The following DNAH6 variants were observed in gnomAD, a reference collection of about 807,000 sequenced individuals.
DNAH6 encodes axonemal beta dynein heavy chain 6.
Under a neutral mutation model 491.4 loss-of-function variants are expected in DNAH6, and 340 were observed. That is an observed-to-expected ratio of 0.69 (90% CI 0.63 to 0.76). DNAH6 has a LOEUF of 0.76. DNAH6 is among the 30% of genes least tolerant of loss of function. The probability of loss-of-function intolerance (pLI) is 0.00; values close to 1 mark genes in which losing one functional copy is unlikely to be tolerated. For missense variants in DNAH6, 4,443 were observed against 4,972.2 expected (o/e 0.89, Z 3.20); for synonymous variants, 1,603 against 1,686.1 (o/e 0.95, Z 1.21).
At chr2:84,532,977 G>A (rs1296215599) in intron 4 of DNAH6, among the ~76,000 whole-genome samples, 1 of 152,094 alleles carries the variant, frequency 6.6e-6, no homozygotes, top group African/African-American at 2.4e-5. Context: ...ATCAGTGTTT[G>A]CTGTATATAC....
intron 10 of DNAH6, among the ~76,000 whole-genome samples, chr2:84,553,373 C>CTTTTCT (rs1679642928): frequency 2.7e-5 from 1 of 37,580 alleles, no homozygotes; most frequent in African/African-American, 1.3e-4. Flanking sequence ...TCTTTTCTTT[C>CTTTTCT]TTTCTTTCTT....
In DNAH6 at chr2:84,573,480, C is replaced by T. The variant is rs1682101778; in HGVS notation, c.1817C>T (p.Ala606Val). 1.3e-6 allele frequency: 2 copies of T among 1,581,504 alleles called. No homozygotes were observed. The highest frequency in any genetic ancestry group is 1.4e-5 in the African/African-American group (1 of 72,858). Residue 606 changes from alanine to valine, a missense_variant, in exon 12 of 77, where the codon GCC becomes GTC. Physicochemically the swap from Ala to Val is moderately conservative, Grantham distance 64 (BLOSUM62 0). Coordinates refer to ENST00000389394, the MANE Select transcript of DNAH6 (RefSeq NM_001370.2). ...TATAACATTTAGGAAACCATTCAGG[C>T]CGCATTTGAATCAGCCCGCATCTAT... is the stretch of plus-strand genomic sequence containing the variant. ...IISQIKETIQ[A>V]AFESARIYAA...
At chr2:84,605,204 T>C (rs1160428188) in intron 19 of DNAH6, among the ~76,000 whole-genome samples, 1 of 142,580 alleles carries the variant, frequency 7.0e-6, no homozygotes. Flanking sequence ...AAAAAAAAAA[T>C]TAGCCAGGCG....
At chr2:84,672,037 G>A (rs558109886) in intron 39 of DNAH6, among the ~76,000 whole-genome samples, 1 of 152,354 alleles carries the variant, frequency 6.6e-6, no homozygotes, top group African/African-American at 2.4e-5. Flanking sequence ...GTGTGGCTGA[G>A]ACAGAGAAAG....
At chr2:84,630,159 A>G (rs1397441574) in intron 29 of DNAH6, among the ~76,000 whole-genome samples, 1 of 152,174 alleles carries the variant, frequency 6.6e-6, no homozygotes. Context: ...TTTTTATAGA[A>G]TAATCACAAC....
chr2:84,491,957 C>T, the DNAH6 span, among the ~76,000 whole-genome samples: 5 of 152,270 alleles, frequency 3.3e-5, no homozygotes, highest in East Asian at 1.9e-4. Flanking sequence ...AGGTCTTCCC[C>T]GTTGCGCCGG....
intron 52 of DNAH6, 142 bp downstream of exon 52, chr2:84,705,889 A>G: frequency 1.9e-6 from 2 of 1,051,084 alleles, no homozygotes; most frequent in East Asian, 2.7e-5. Context: ...GTTTTAAACA[A>G]GAGCTGGCAA....
intron 64 of DNAH6, among the ~76,000 whole-genome samples, chr2:84,767,930 G>T (rs1675243748): frequency 6.6e-6 from 1 of 152,110 alleles, no homozygotes; most frequent in African/African-American, 2.4e-5. Context: ...CAACAAATAT[G>T]CCATTGACTG....
At chr2:84,812,585 C>A in intron 73 of DNAH6, 59 bp downstream of exon 73, 2 of 1,395,546 alleles carry the variant, frequency 1.4e-6, no homozygotes, top group South Asian at 1.3e-5. Context: ...GGCCTAAGGT[C>A]CCTAGGAAGC....
chr2:84,773,775 C>G (rs951902662), intron 64 of DNAH6, among the ~76,000 whole-genome samples: 2 of 152,040 alleles, frequency 1.3e-5, no homozygotes, highest in Non-Finnish European at 2.9e-5. Context: ...TTAATAATAG[C>G]CATTCTGACT....
At chr2:84,500,382 C>T in the DNAH6 span, among the ~76,000 whole-genome samples, 2 of 152,032 alleles carry the variant, frequency 1.3e-5, no homozygotes, top group Non-Finnish European at 2.9e-5. Context: ...TCTGTTCCAT[C>T]GTCTATGTGT....
intron 62 of DNAH6, among the ~76,000 whole-genome samples, chr2:84,734,404 T>C (rs1699375524): frequency 6.6e-6 from 1 of 152,110 alleles, no homozygotes; most frequent in East Asian, 1.9e-4. Context: ...CCTCCCAAAG[T>C]GCTGGGAAAA....
At chr2:84,668,586 T>G (rs1692403964) in intron 37 of DNAH6, among the ~76,000 whole-genome samples, 1 of 152,210 alleles carries the variant, frequency 6.6e-6, no homozygotes. Flanking sequence ...AGCGCTCTCA[T>G]GCTTCCCAGC....
At chr2:84,617,884 A>G (rs1276820156) in intron 23 of DNAH6, among the ~76,000 whole-genome samples, 1 of 152,062 alleles carries the variant, frequency 6.6e-6, no homozygotes, top group African/African-American at 2.4e-5. Flanking sequence ...TCTCTCTACC[A>G]AAAAATCTTC....
intron 64 of DNAH6, among the ~76,000 whole-genome samples, chr2:84,776,993 G>A (rs975556939): frequency 1.3e-5 from 2 of 152,114 alleles, no homozygotes; most frequent in African/African-American, 4.8e-5. Flanking sequence ...CTGTTGCAAG[G>A]ACAAAAAACC....
At position 84,677,048 on chromosome 2, in the gene DNAH6, G is replaced by A. The variant is rs1244674127; in HGVS notation, c.6656G>A (p.Arg2219His). The stretch of plus-strand genomic sequence containing the variant: ...GCATGTGCACCTCCAGGCGGTGGCC[G>A]CAACCCTGTGACTCCCCGCTTCATC... ...ISACAPPGGGRNPVTPRFIRH... is the reference protein window; with the variant it reads ...ISACAPPGGGHNPVTPRFIRH... Residue 2219 changes from arginine (R) to histidine (H), a missense_variant, in exon 41 of 77, where the codon CGC becomes CAC. Physicochemically the swap from Arg to His is conservative, Grantham distance 29. Around this residue, in one of 3 missense-constraint regions of DNAH6, gnomAD observed 2,977 missense variants for 3,296.6 expected, o/e 0.90. Coordinates refer to ENST00000389394, the MANE Select transcript of DNAH6 (RefSeq NM_001370.2). 2.3e-5 allele frequency: 35 copies of A among 1,551,610 alleles called. No individual in the cohort carries two copies. The highest frequency in any genetic ancestry group is 1.9e-4 in the South Asian group (16 of 84,060).
chr2:84,788,463 T>C (rs964878638), intron 68 of DNAH6, among the ~76,000 whole-genome samples: 2 of 152,140 alleles, frequency 1.3e-5, no homozygotes, highest in African/African-American at 4.8e-5. Flanking sequence ...CAGGAATTGA[T>C]AAGCTGATTA....
rs115492922 is a variant in DNAH6, at chr2:84,650,857, A to G, written c.5079-2462A>G. 4.3e-3 allele frequency among the ~76,000 whole-genome samples: 661 copies of G among 152,286 alleles called. 6 individuals carry two copies. The highest frequency in any genetic ancestry group is 0.015 in the African/African-American group (638 of 41,560). On this transcript the variant is annotated intron_variant, in intron 33 of 76. Coordinates refer to ENST00000389394, the MANE Select transcript of DNAH6 (RefSeq NM_001370.2). ...TGATGAATGATTTTCATTGAAACCT[A>G]CTTATCTGAGGTATTATGTTATGAG...
At chr2:84,464,243 T>C in the DNAH6 span, among the ~76,000 whole-genome samples, 1 of 152,202 alleles carries the variant, frequency 6.6e-6, no homozygotes, top group African/African-American at 2.4e-5. Context: ...TTCTCAGGCA[T>C]ATGAGAACCT....
Sources: allele counts gnomAD v4.1 joint callset (sites outside exome capture counted in the v4.1 genomes callset), GRCh38; gene constraint gnomAD v4.1.1; regional missense constraint gnomAD v4.1.1; transcripts MANE v1.5; gene names NCBI Gene and HGNC (gene_info 2026-07-23, HGNC 2026-07-21).